Variants in IL17RD observed in about 807,000 individuals in gnomAD.
The protein encoded by IL17RD is interleukin 17 receptor D, also known as interleukin-17 receptor D.
Under a neutral mutation model 80.5 loss-of-function variants are expected in IL17RD, and 52 were observed. The observed-to-expected ratio is 0.65, with a 90% confidence interval of 0.52 to 0.81. The LOEUF is 0.81. Among genes scored for constraint, IL17RD ranks in the 40% least tolerant of loss-of-function variants. IL17RD has a pLI of 0.00. For synonymous variants in IL17RD, 416 were observed against 391.8 expected, an observed-to-expected ratio of 1.06 and a Z score of -0.73; for missense variants, 1,024 against 955.1, an observed-to-expected ratio of 1.07 and a Z score of -0.95.
chr3:57,118,176 G>A (rs558043809), intron 2 of IL17RD, among the ~76,000 whole-genome samples: 2 of 152,264 alleles, frequency 1.3e-5, no homozygotes, highest in Admixed American at 6.5e-5. Context: ...TCCCTTCCAC[G>A]TCTTTACTTA....
intron 1 of IL17RD, among the ~76,000 whole-genome samples, chr3:57,153,957 T>C (rs893322516): frequency 6.6e-6 from 1 of 152,042 alleles, no homozygotes; most frequent in African/African-American, 2.4e-5. Context: ...AGAAAACGTA[T>C]GCTCTAGGCA....
At chr3:57,120,850 C>A (rs1872942) in intron 1 of IL17RD, among the ~76,000 whole-genome samples, 1 of 152,012 alleles carries the variant, frequency 6.6e-6, no homozygotes, top group Admixed American at 6.6e-5. Flanking sequence ...CATACCTATG[C>A]TTGGAATACA....
At chr3:57,119,570 G>T (rs1323490598) in intron 2 of IL17RD, among the ~76,000 whole-genome samples, 1 of 152,052 alleles carries the variant, frequency 6.6e-6, no homozygotes, top group Non-Finnish European at 1.5e-5. Flanking sequence ...ACTGATAGAT[G>T]GGGTACTGCG....
rs1028561426 is a variant in IL17RD at position 57,094,048 on chromosome 3, A to G, written c.*2345T>C. ...ATCCTGTTTTCCATTTCTTGTTTCC[A>G]TAATATCTAAAAGCCTGTGACTTGG... On this transcript the variant is annotated 3_prime_UTR_variant, in exon 13 of 13. Transcript: ENST00000296318. 9 of 152,198 alleles carry G rather than the reference A, an allele frequency of 5.9e-5. No individual in the cohort carries two copies. Among genetic ancestry groups the G allele is most frequent in the Non-Finnish European group, 1.2e-4 (8 of 68,044 alleles). 9.4% of individuals were successfully genotyped at this position (152,198 alleles called of 1,614,324 possible). A position where few individuals can be genotyped will look rare whatever the true frequency, so the allele number is the denominator to read the frequency against.
chr3:57,144,060 A>C (rs925038552), intron 1 of IL17RD, among the ~76,000 whole-genome samples: 12 of 152,280 alleles, frequency 7.9e-5, no homozygotes, highest in African/African-American at 2.6e-4. Context: ...CTGAAGCTTC[A>C]ATCAGCCCAG....
At position 57,127,510 on chromosome 3, in the gene IL17RD, A is replaced by AT. The variant is rs566172321; in HGVS notation, c.127-7198dup. ...AGTCTCCACCTCCTGGGTTCAAGAG[A>AT]TTTTTTTGCCTCAGCTTCCCAAGTA... On this transcript the variant is annotated intron_variant, in intron 1 of 12. Transcript: ENST00000296318. Among the ~76,000 whole-genome samples, 111 of 148,682 alleles carry AT rather than the reference A, an allele frequency of 7.5e-4. 1 individual carries two copies. The highest frequency in any genetic ancestry group is 2.1e-3 in the African/African-American group (85 of 40,046).
At chr3:57,140,893 CTT>C (rs398105891) in intron 1 of IL17RD, among the ~76,000 whole-genome samples, 5 of 146,656 alleles carry the variant, frequency 3.4e-5, no homozygotes, top group South Asian at 2.2e-4. Flanking sequence ...GACCTTCACA[CTT>C]TTTTTTTTTT....
At chr3:57,110,446 G>A in intron 3 of IL17RD, 135 bp from the exon 4 acceptor site, 1 of 974,562 alleles carries the variant, frequency 1.0e-6, no homozygotes, top group Non-Finnish European at 1.5e-6. Context: ...GGGTATCTGA[G>A]TCTATAGAAT....
intron 11 of IL17RD, 93 bp from the exon 12 acceptor site, chr3:57,098,631 A>AT: frequency 1.2e-6 from 1 of 807,322 alleles, no homozygotes; most frequent in Non-Finnish European, 2.0e-6. Context: ...GAAGGAGGCC[A>AT]TCTCATCTGC....
In IL17RD at chr3:57,165,143, C is replaced by A. The variant is rs914069765; in HGVS notation, c.126+18G>T. ...CCGCGAGTTGGCGACGGCAAGAAAC[C>A]CGCCGCCCTCGCCTTACCCTCCAGC... On this transcript the variant is annotated intron_variant, in intron 1 of 12. Transcript: ENST00000296318. 3 of 1,513,100 alleles carry A rather than the reference C, an allele frequency of 2.0e-6. No individual in the cohort carries two copies. The highest frequency in any genetic ancestry group is 1.8e-6 in the Non-Finnish European group (2 of 1,133,850). 93.7% of individuals were successfully genotyped at this position (1,513,100 alleles called of 1,614,324 possible). A position where few individuals can be genotyped will look rare whatever the true frequency, so the allele number is the denominator to read the frequency against.
chr3:57,139,988 C>G (rs1352086947), intron 1 of IL17RD, among the ~76,000 whole-genome samples: 3 of 151,824 alleles, frequency 2.0e-5, no homozygotes, highest in African/African-American at 7.3e-5. Context: ...CAAATGTTTT[C>G]ATATGTTTAA....
At position 57,096,212 on chromosome 3, in the gene IL17RD, A is replaced by G. The variant is rs1706665944; in HGVS notation, c.*181T>C. 3.4e-6 allele frequency: 2 copies of G among 585,782 alleles called. No individual in the cohort carries two copies. Among genetic ancestry groups the G allele is most frequent in the East Asian group, 5.7e-5 (2 of 34,994 alleles). 36.3% of individuals were successfully genotyped at this position (585,782 alleles called of 1,614,324 possible). On this transcript the variant is annotated 3_prime_UTR_variant, in exon 13 of 13. Coordinates refer to ENST00000296318, the MANE Select transcript of IL17RD (RefSeq NM_017563.5). ...TCCATATCATTTTAGAAAATTGGAG[A>G]GTTTGTCAAGATATCCGGTAAAGGG...
chr3:57,126,474 G>A (rs910207786), intron 1 of IL17RD, among the ~76,000 whole-genome samples: 1 of 152,216 alleles, frequency 6.6e-6, no homozygotes. Flanking sequence ...ATATGGCAAA[G>A]AAGCAAAGGC....
chr3:57,154,279 TATATACACACAC>T (rs1553628609), intron 1 of IL17RD, among the ~76,000 whole-genome samples: 37 of 126,316 alleles, frequency 2.9e-4, no homozygotes, highest in East Asian at 1.5e-3. Context: ...TATATATATA[TATATACACACAC>T]ACACACACAC....
intron 1 of IL17RD, among the ~76,000 whole-genome samples, chr3:57,128,744 T>A (rs1707547100): frequency 6.6e-6 from 1 of 152,200 alleles, no homozygotes; most frequent in Admixed American, 6.5e-5. Flanking sequence ...GCTTTGCCAC[T>A]GGAACCAGCC....
intron 12 of IL17RD, 87 bp from the exon 13 acceptor site, chr3:57,096,592 G>A: frequency 1.1e-6 from 1 of 949,400 alleles, no homozygotes; most frequent in Non-Finnish European, 1.7e-6. Flanking sequence ...GACTGGATCT[G>A]GGTTTGGACT....
intron 3 of IL17RD, among the ~76,000 whole-genome samples, chr3:57,113,315 G>A (rs542930709): frequency 3.3e-5 from 5 of 152,224 alleles, no homozygotes; most frequent in South Asian, 4.1e-4. Context: ...TCGGCTCACC[G>A]CAACCTCTGC....
At chr3:57,104,012 CTTATT>C (rs1235602159) in intron 8 of IL17RD, among the ~76,000 whole-genome samples, 1 of 152,034 alleles carries the variant, frequency 6.6e-6, no homozygotes, top group East Asian at 1.9e-4. Flanking sequence ...ATGGGCATAA[CTTATT>C]TTGCTGTTTT....
intron 12 of IL17RD, 102 bp downstream of exon 12, chr3:57,097,494 G>A: frequency 1.2e-6 from 1 of 857,376 alleles, no homozygotes; most frequent in Non-Finnish European, 1.9e-6. Context: ...AGGTTTCATT[G>A]CCCAATAAGT....
Sources: gnomAD v4.1 joint callset for allele counts (sites outside exome capture counted in the v4.1 genomes callset) on GRCh38, gnomAD v4.1.1 for gene constraint, MANE v1.5 for transcripts, NCBI Gene and HGNC (gene_info 2026-07-23, HGNC 2026-07-21) for gene names.